The following PIEZO2 variants were observed in gnomAD, a reference collection of about 807,000 sequenced individuals.
PIEZO2 encodes piezo-type mechanosensitive ion channel component 2.
A neutral mutation model predicts 337.3 loss-of-function variants in PIEZO2; 172 were observed. The observed-to-expected ratio is 0.51, with a 90% CI of 0.45 to 0.58. The LOEUF is 0.58. Ranked by LOEUF, PIEZO2 falls within the 20% of genes least tolerant of loss-of-function variation. The pLI, the probability that PIEZO2 is intolerant of heterozygous loss-of-function variation, is 0.00. For missense variants in PIEZO2, 3,028 were observed against 3,391.3 expected (o/e 0.89, Z 2.66); for synonymous variants, 1,251 against 1,228.5 (o/e 1.02, Z -0.38).
At chr18:10,844,814 C>T (rs908385906) in intron 7 of PIEZO2, among the ~76,000 whole-genome samples, 6 of 148,400 alleles carry the variant, frequency 4.0e-5, no homozygotes, top group Non-Finnish European at 7.4e-5. Context: ...AAGTACCTAC[C>T]TCATAGGGTT....
chr18:11,039,219 C>A (rs2145798112), intron 2 of PIEZO2, among the ~76,000 whole-genome samples: 1 of 152,198 alleles, frequency 6.6e-6, no homozygotes, highest in South Asian at 2.1e-4. Context: ...GCTCAACAAG[C>A]GATTGGGTGA....
intron 1 of PIEZO2, among the ~76,000 whole-genome samples, chr18:11,085,324 T>C (rs2038874801): frequency 6.6e-6 from 1 of 152,056 alleles, no homozygotes; most frequent in Admixed American, 6.6e-5. Flanking sequence ...ACAACCCATC[T>C]CTCACGCATC....
chr18:10,732,745 T>C (rs192458646), intron 35 of PIEZO2, among the ~76,000 whole-genome samples: 2 of 152,290 alleles, frequency 1.3e-5, no homozygotes, highest in East Asian at 3.9e-4. Flanking sequence ...TAAAGGAATT[T>C]TTAGTAGATG....
chr18:10,792,018 C>G (rs1490143227), intron 13 of PIEZO2, among the ~76,000 whole-genome samples: 1 of 152,182 alleles, frequency 6.6e-6, no homozygotes, highest in African/African-American at 2.4e-5. Context: ...ATGATTTCAG[C>G]TCACTGCAAC....
intron 1 of PIEZO2, among the ~76,000 whole-genome samples, chr18:11,138,368 T>A (rs2040548412): frequency 6.6e-6 from 1 of 152,226 alleles, no homozygotes; most frequent in Admixed American, 6.5e-5. Flanking sequence ...CAATCTCAGC[T>A]CACTGCAACC....
chr18:11,088,904 G>A (rs2038988536), intron 1 of PIEZO2, among the ~76,000 whole-genome samples: 1 of 152,192 alleles, frequency 6.6e-6, no homozygotes, highest in Non-Finnish European at 1.5e-5. Context: ...CTGAGACTGG[G>A]GATGAAGACC....
chr18:10,856,826 C>T lies in PIEZO2; in HGVS notation c.703+175G>A, dbSNP rs775851736. On this transcript the variant is annotated intron_variant, in intron 6 of 55. Transcript: ENST00000674853. The surrounding 1 kb of genome is among the most constrained non-coding windows in gnomAD (Gnocchi z 4.7). ...AAAAACATCAAAACTAGAACTAACC[C>T]GGAAAAATTATTTTGTGTGGTTTGT... 3.9e-4 allele frequency among the ~76,000 whole-genome samples: 60 copies of T among 151,972 alleles called. No homozygotes were observed. The highest frequency in any genetic ancestry group is 7.1e-4 in the Non-Finnish European group (48 of 68,020).
chr18:11,118,047 T>A (rs912646110), intron 1 of PIEZO2, among the ~76,000 whole-genome samples: 3 of 152,252 alleles, frequency 2.0e-5, no homozygotes, highest in Admixed American at 1.3e-4. Flanking sequence ...AATTTTTATG[T>A]TTCCTTCAAT....
At position 10,691,133 on chromosome 18, in the gene PIEZO2, C is replaced by G. The variant is rs751293280; in HGVS notation, c.7349+92G>C. On this transcript the variant is annotated intron_variant, in intron 48 of 55. Transcript: ENST00000674853. ...CAACGATTCCCACTGCTGAATTCAT[C>G]CTCTCCCCCTTACTTCCCAGTTGGG... 203 of 1,393,304 alleles carry G rather than the reference C, an allele frequency of 1.5e-4. No individual in the cohort carries two copies. The Middle Eastern group carries it at 2.0e-3, about 14-fold the overall frequency. The allele number at this position is 1,393,304 out of a possible 1,614,324, so 86.3% of individuals were successfully genotyped here. A position where few individuals can be genotyped will look rare whatever the true frequency, so the allele number is the denominator to read the frequency against.
chr18:10,968,258 T>G (rs1178984147), intron 3 of PIEZO2, among the ~76,000 whole-genome samples: 1 of 152,212 alleles, frequency 6.6e-6, no homozygotes, highest in African/African-American at 2.4e-5. Flanking sequence ...CAGTTAGCTG[T>G]TAAGCGTTTG....
intron 35 of PIEZO2, among the ~76,000 whole-genome samples, chr18:10,732,162 A>G (rs563041170): frequency 2.0e-5 from 3 of 152,326 alleles, no homozygotes; most frequent in African/African-American, 7.2e-5. Context: ...ACATTAATAT[A>G]TTATAACTGA....
rs2038033727 is a variant in PIEZO2, at chr18:10,759,578, G to A, written c.3661C>T (p.Pro1221Ser). 1 of 1,537,218 alleles carries A rather than the reference G, an allele frequency of 6.5e-7. No individual in the cohort carries two copies. Among genetic ancestry groups the A allele is most frequent in the African/African-American group, 1.4e-5 (1 of 73,042 alleles). ...GIPPAPCRDYPWRFKGASFND... is the reference protein window; with the variant it reads ...GIPPAPCRDYSWRFKGASFND... ...AAGCTGGCACCCTTGAATCTCCACG[G>A]GTAATCTGCAGGGAGGGAAGTGGCG... The change falls in exon 26 of 56, where the codon CCG becomes TCG. Residue 1221 changes from proline to serine, a missense_variant. Physicochemically the swap from Pro to Ser is moderately conservative, Grantham distance 74. Around this residue, in one of 5 missense-constraint regions of PIEZO2, gnomAD observed 1,925 missense variants for 2,051.9 expected, o/e 0.94. Transcript: ENST00000674853. This position sits in a 1 kb window ranked among gnomAD's most constrained non-coding sequence, Gnocchi z 5.5.
chr18:11,081,103 T>A (rs1422690194), intron 1 of PIEZO2, among the ~76,000 whole-genome samples: 1 of 152,150 alleles, frequency 6.6e-6, no homozygotes, highest in East Asian at 1.9e-4. Context: ...GTTTCCTGAG[T>A]CATGAACCTC....
intron 3 of PIEZO2, among the ~76,000 whole-genome samples, chr18:10,972,172 C>CAAAAA (rs71169963): frequency 1.1e-5 from 1 of 90,488 alleles, no homozygotes; most frequent in Non-Finnish European, 2.2e-5. Context: ...GACTCCGCCT[C>CAAAAA]AAAAAAAAAA....
rs114346250 is a variant in PIEZO2 at position 10,940,621 on chromosome 18, C to T, written c.287-29393G>A. Among the ~76,000 whole-genome samples, 1,442 of 152,274 alleles carry T rather than the reference C, an allele frequency of 9.5e-3. 18 individuals carry two copies. The highest frequency in any genetic ancestry group is 0.032 in the African/African-American group (1,335 of 41,546). On this transcript the variant is annotated intron_variant, in intron 3 of 55. Transcript: ENST00000674853. This position sits in a 1 kb window ranked among gnomAD's most constrained non-coding sequence, Gnocchi z 5.3. ...GCTCATGCCTGTAATCCCAACACTT[C>T]GAGAGGCCCAGGCGGGCGGCTCACA...
intron 34 of PIEZO2, 135 bp downstream of exon 34, chr18:10,736,469 A>G: frequency 8.1e-7 from 1 of 1,238,768 alleles, no homozygotes; most frequent in Non-Finnish European, 1.1e-6. Flanking sequence ...GAAATAAAGA[A>G]TTGCAGATGT....
At chr18:10,916,569 C>A (rs945309281) in intron 3 of PIEZO2, among the ~76,000 whole-genome samples, 1 of 152,280 alleles carries the variant, frequency 6.6e-6, no homozygotes, top group South Asian at 2.1e-4. Context: ...ACCAGCAGGC[C>A]GCTCTGAGTG....
rs945143715 is a variant in PIEZO2, at chr18:10,988,463, A to G, written c.161-8803T>C. Among the ~76,000 whole-genome samples, 1 of 152,360 alleles carries G rather than the reference A, an allele frequency of 6.6e-6. No individual in the cohort carries two copies. Among genetic ancestry groups the G allele is most frequent in the African/African-American group, 2.4e-5 (1 of 41,588 alleles). On this transcript the variant is annotated intron_variant, in intron 2 of 55. Coordinates refer to ENST00000674853, the MANE Select transcript of PIEZO2 (RefSeq NM_001378183.1). This position sits in a 1 kb window ranked among gnomAD's most constrained non-coding sequence, Gnocchi z 4.8. Reference sequence around the variant, plus strand: ...AAGTGTTGGAGAGGGAAACATGGAGAAAAGAGAACTCTTATATACTGTTGG... The same window carrying G: ...AAGTGTTGGAGAGGGAAACATGGAGGAAAGAGAACTCTTATATACTGTTGG...
chr18:10,937,021 G>T (rs1358126062), intron 3 of PIEZO2, among the ~76,000 whole-genome samples: 1 of 152,080 alleles, frequency 6.6e-6, no homozygotes, highest in Non-Finnish European at 1.5e-5. Flanking sequence ...GTCTACTCTG[G>T]TTCTTCCACA....
Sources: allele counts gnomAD v4.1 joint callset (sites outside exome capture counted in the v4.1 genomes callset), GRCh38; gene constraint gnomAD v4.1.1; regional missense constraint gnomAD v4.1.1; non-coding constraint Gnocchi (gnomAD v3.1); transcripts MANE v1.5; gene names NCBI Gene and HGNC (gene_info 2026-07-23, HGNC 2026-07-21).